Variants in SUGCT observed in about 807,000 individuals in gnomAD.
SUGCT encodes succinyl-CoA:glutarate-CoA transferase.
SUGCT carries 41 observed loss-of-function variants against 55.0 expected under a neutral mutation model. The ratio of observed to expected loss-of-function variants is 0.74; its 90% CI spans 0.58 to 0.97. The LOEUF is 0.97. Ranked by LOEUF, SUGCT falls within the 50% of genes least tolerant of loss-of-function variation. The pLI is 0.00. For synonymous variants in SUGCT, 187 were observed against 200.4 expected (o/e 0.93, Z 0.56); for missense variants, 568 against 547.8 (o/e 1.04, Z -0.37).
chr7:40,875,509 A>G, the SUGCT span, among the ~76,000 whole-genome samples: 1 of 152,146 alleles, frequency 6.6e-6, no homozygotes, highest in African/African-American at 2.4e-5. Context: ...CTCCTCTCCA[A>G]CACAGTTGGA....
chr7:40,459,552 C>T (rs187870545), intron 11 of SUGCT, among the ~76,000 whole-genome samples: 151 of 152,256 alleles, frequency 9.9e-4, no homozygotes, highest in African/African-American at 3.5e-3. Flanking sequence ...TTCATACTTT[C>T]ACTTTGTTAA....
intron 8 of SUGCT, among the ~76,000 whole-genome samples, chr7:40,306,380 G>A (rs1451463647): frequency 1.3e-5 from 2 of 152,056 alleles, no homozygotes; most frequent in Non-Finnish European, 2.9e-5. Context: ...AATGTCTCTT[G>A]TAGCATTGAT....
chr7:40,651,458 T>G (rs932745137), intron 12 of SUGCT, among the ~76,000 whole-genome samples: 9 of 152,176 alleles, frequency 5.9e-5, no homozygotes, highest in African/African-American at 2.2e-4. Context: ...TGAATTTGTT[T>G]AAATTCCTTG....
the SUGCT span, among the ~76,000 whole-genome samples, chr7:40,887,457 A>C: frequency 6.6e-6 from 1 of 152,210 alleles, no homozygotes; most frequent in Non-Finnish European, 1.5e-5. Context: ...TCTTTTTAAC[A>C]TAGAATCACA....
intron 13 of SUGCT, among the ~76,000 whole-genome samples, chr7:40,841,996 A>G (rs1186065963): frequency 2.0e-5 from 3 of 152,222 alleles, no homozygotes; most frequent in African/African-American, 7.2e-5. Context: ...TGTGTTAAAT[A>G]CTTTTAAATA....
the SUGCT span, among the ~76,000 whole-genome samples, chr7:40,950,014 G>A: frequency 6.6e-6 from 1 of 152,108 alleles, no homozygotes; most frequent in Non-Finnish European, 1.5e-5. Context: ...TAGCTTGATA[G>A]GGATGTCATT....
intron 12 of SUGCT, among the ~76,000 whole-genome samples, chr7:40,576,146 T>C (rs543137884): frequency 6.6e-6 from 1 of 152,248 alleles, no homozygotes; most frequent in East Asian, 1.9e-4. Flanking sequence ...ATAAGACGCA[T>C]GAAACTTTTT....
At chr7:40,215,984 G>C (rs1348212404) in intron 6 of SUGCT, among the ~76,000 whole-genome samples, 1 of 152,116 alleles carries the variant, frequency 6.6e-6, no homozygotes, top group Non-Finnish European at 1.5e-5. Flanking sequence ...GGTAAGTAGA[G>C]GTAGATGAAT....
At chr7:40,415,355 A>G (rs1036123941) in intron 9 of SUGCT, among the ~76,000 whole-genome samples, 1 of 149,792 alleles carries the variant, frequency 6.7e-6, no homozygotes, top group African/African-American at 2.4e-5. Flanking sequence ...TCTGATTCAG[A>G]TTGAGTTTGA....
chr7:40,588,829 T>C (rs1797551566), intron 12 of SUGCT, among the ~76,000 whole-genome samples: 1 of 152,226 alleles, frequency 6.6e-6, no homozygotes, highest in Admixed American at 6.5e-5. Flanking sequence ...TTGAAGGCTA[T>C]AAAGCACTTA....
chr7:40,538,151 T>C (rs1051275527), intron 12 of SUGCT: 4 of 152,234 alleles, frequency 2.6e-5, no homozygotes, highest in African/African-American at 9.6e-5. Flanking sequence ...TCCAGTTTTA[T>C]TGCTATGATT....
At chr7:40,693,793 C>T (rs2128654025) in intron 12 of SUGCT, among the ~76,000 whole-genome samples, 1 of 152,264 alleles carries the variant, frequency 6.6e-6, no homozygotes, top group African/African-American at 2.4e-5. Flanking sequence ...TTCCCTAATC[C>T]AGTTACATGA....
chr7:40,410,832 T>C lies in SUGCT; in HGVS notation c.817-38455T>C, dbSNP rs372406976. ...CTGTAATTTTATTCCATACACAATA[T>C]TGTGAAGTGATCTAGGCCAGTCTGA... On this transcript the variant is annotated intron_variant, in intron 9 of 13. Coordinates refer to ENST00000335693, the MANE Select transcript of SUGCT (RefSeq NM_001193313.2). Among the ~76,000 whole-genome samples the C allele has an allele frequency of 6.0e-4, 92 of 152,288 alleles. No homozygotes were observed. The Middle Eastern group carries it at 0.017, about 28-fold the overall frequency.
the SUGCT span, among the ~76,000 whole-genome samples, chr7:40,903,042 T>G: frequency 7.5e-6 from 1 of 134,068 alleles, no homozygotes; most frequent in African/African-American, 3.3e-5. Context: ...CTTTTCTTTT[T>G]TTTTTTTTGA....
At chr7:40,830,218 T>A (rs1462090393) in intron 13 of SUGCT, among the ~76,000 whole-genome samples, 1 of 152,204 alleles carries the variant, frequency 6.6e-6, no homozygotes, top group East Asian at 1.9e-4. Flanking sequence ...ACCCTTGGGC[T>A]ACCAGTTTCT....
chr7:40,907,104 TGTG>T, the SUGCT span, among the ~76,000 whole-genome samples: 15 of 113,610 alleles, frequency 1.3e-4, no homozygotes, highest in South Asian at 1.1e-3. Context: ...ATAGTGTGTG[TGTG>T]TGTGTGTGTG....
the SUGCT span, among the ~76,000 whole-genome samples, chr7:40,969,050 T>G: frequency 1.3e-5 from 2 of 152,234 alleles, no homozygotes; most frequent in Admixed American, 1.3e-4. Flanking sequence ...CTCAGGGCAC[T>G]GTGGGTGTCA....
At chr7:40,311,327 T>G (rs4433031) in intron 8 of SUGCT, among the ~76,000 whole-genome samples, 41,325 of 152,140 alleles carry the variant, frequency 0.27, 6,448 homozygotes, top group East Asian at 0.46. Flanking sequence ...AACAGTCCCC[T>G]TTCTCTCTTG....
Position 40,772,673 on chromosome 7 carries a change from A to G in SUGCT, c.1153+23176A>G, listed in dbSNP as rs569461089. Among the ~76,000 whole-genome samples the G allele has an allele frequency of 2.7e-5, 4 of 149,912 alleles. No individual in the cohort carries two copies. In the South Asian group the frequency reaches 8.5e-4, roughly 32 times the overall value. On this transcript the variant is annotated intron_variant, in intron 13 of 13. Coordinates refer to ENST00000335693, the MANE Select transcript of SUGCT (RefSeq NM_001193313.2). ...GAGACAGGGTCTCACTCTGTTGCCCAGGCTGGAGTGCAGCAGTGCAATCAT... is the reference window on the plus strand; with the variant it reads ...GAGACAGGGTCTCACTCTGTTGCCCGGGCTGGAGTGCAGCAGTGCAATCAT...
Sources: gnomAD v4.1 joint callset for allele counts (sites outside exome capture counted in the v4.1 genomes callset) on GRCh38, gnomAD v4.1.1 for gene constraint, MANE v1.5 for transcripts, NCBI Gene and HGNC (gene_info 2026-07-23, HGNC 2026-07-21) for gene names.